The following ADAMTS7 variants were observed in gnomAD, a reference collection of about 807,000 sequenced individuals.
The protein encoded by ADAMTS7 is A disintegrin and metalloproteinase with thrombospondin motifs 7.
Under a neutral mutation model 172.6 loss-of-function variants are expected in ADAMTS7, and 89 were observed. That is an observed-to-expected ratio of 0.52 (90% CI 0.43 to 0.61). The LOEUF (loss-of-function observed/expected upper bound fraction) is 0.61, where lower values mean the gene tolerates loss of function less well. Ranked by LOEUF, ADAMTS7 falls within the 20% of genes least tolerant of loss-of-function variation. ADAMTS7 has a pLI of 0.00. For missense variants in ADAMTS7, 1,973 were observed against 2,355.6 expected (o/e 0.84, Z 3.36); for synonymous variants, 885 against 978.4 (o/e 0.90, Z 1.78).
Position 78,798,071 on chromosome 15 carries a change from G to T in ADAMTS7, c.499C>A (p.Pro167Thr). The T allele has an allele frequency of 6.4e-7, 1 of 1,567,058 alleles. No individual in the cohort carries two copies. The highest frequency in any genetic ancestry group is 1.2e-5 in the South Asian group (1 of 84,360). ...QLSNEDYFIEPLDSAPARPGH... is the reference protein window; with the variant it reads ...QLSNEDYFIETLDSAPARPGH... ...GGCCGGGCCGGGGCACTGTCCAGGG[G>T]CTCAATGAAGTAGTCCTCGTTGGAG... Residue 167 changes from proline (P) to threonine (T), a missense_variant, in exon 3 of 24, where the codon CCC becomes ACC. Transcript: ENST00000388820.
rs780737894 is a variant in ADAMTS7 at position 78,774,793 on chromosome 15, C to A, written c.1707G>T (p.Thr569=). 1.9e-6 allele frequency: 3 copies of A among 1,591,520 alleles called. No homozygotes were observed. Among genetic ancestry groups the A allele is most frequent in the Non-Finnish European group, 2.6e-6 (3 of 1,166,032 alleles). ...QSAERQCTQP[T]PKYKGRYCVG... ...CACAGTATCTGCCTTTGTATTTGGG[C>A]CTGTGGGGAGAACCGGGGTGGGCCC... is the stretch of plus-strand genomic sequence containing the variant. Residue 569 remains threonine, a splice_region_variant and synonymous_variant, in exon 12 of 24, where the codon ACG becomes ACT. Transcript: ENST00000388820.
intron 11 of ADAMTS7, 109 bp from the exon 12 acceptor site, chr15:78,774,902 C>CT (rs2055316965): frequency 7.4e-7 from 1 of 1,360,278 alleles, no homozygotes. Flanking sequence ...GAGATCCCTG[C>CT]TGCCCAGCTT....
intron 4 of ADAMTS7, among the ~76,000 whole-genome samples, chr15:78,793,408 C>T (rs796276462): frequency 8.0e-5 from 12 of 150,852 alleles, no homozygotes; most frequent in African/African-American, 2.9e-4. Flanking sequence ...AGATGGAGTG[C>T]AGTTGCATGA....
In ADAMTS7 at chr15:78,800,476, G is replaced by A. The variant is rs758614087; in HGVS notation, c.172C>T (p.Leu58=). 3.7e-6 allele frequency: 6 copies of A among 1,610,720 alleles called. No homozygotes were observed. Among genetic ancestry groups the A allele is most frequent in the Admixed American group, 3.3e-5 (2 of 59,782 alleles). ...GCGCGGGGCCACAGCTCGTAGGACA[G>A]GAAGGAGCCCCCCGCGTCGACTCGA... ...PVRVDAGGSF[L]SYELWPRALR... Residue 58 remains leucine, a synonymous_variant, in exon 2 of 24, where the codon CTG becomes TTG. Coordinates refer to ENST00000388820, the MANE Select transcript of ADAMTS7 (RefSeq NM_014272.5).
rs1408932893 is a variant in ADAMTS7 at position 78,763,578 on chromosome 15, AG to A, written c.4740+120del. The A allele has an allele frequency of 2.3e-6, 3 of 1,311,404 alleles. No individual in the cohort carries two copies. In the Admixed American group the frequency reaches 9.4e-5, roughly 41 times the overall value. 81.2% of individuals were successfully genotyped at this position (1,311,404 alleles called of 1,614,324 possible). A position where few individuals can be genotyped will look rare whatever the true frequency, so the allele number is the denominator to read the frequency against. Reference sequence around the variant, plus strand: ...GCACCAGCCGGGCGGGGCCTCGTCCAGTGACAGGGCCACAAAGAGCCTGGCT... The same window carrying A: ...GCACCAGCCGGGCGGGGCCTCGTCCATGACAGGGCCACAAAGAGCCTGGCT... On this transcript the variant is annotated intron_variant, in intron 22 of 23. Transcript: ENST00000388820.
At chr15:78,769,247 T>G (rs1277796641) in intron 16 of ADAMTS7, among the ~76,000 whole-genome samples, 2 of 152,114 alleles carry the variant, frequency 1.3e-5, no homozygotes, top group African/African-American at 2.4e-5. Flanking sequence ...GACACTCACT[T>G]CCATACTGCC....
chr15:78,769,181 A>G (rs2055207748), intron 16 of ADAMTS7, among the ~76,000 whole-genome samples: 2 of 152,010 alleles, frequency 1.3e-5, no homozygotes, highest in Admixed American at 6.6e-5. Context: ...CCTGTCCTTC[A>G]CACCCTCTGT....
In ADAMTS7 at chr15:78,768,284, G is replaced by C. The variant is rs766558341; in HGVS notation, c.2519-25C>G. 1.9e-5 allele frequency: 31 copies of C among 1,609,610 alleles called. No homozygotes were observed. The Admixed American group carries it at 5.2e-4, about 27-fold the overall frequency. On this transcript the variant is annotated intron_variant, in intron 16 of 23. Coordinates refer to ENST00000388820, the MANE Select transcript of ADAMTS7 (RefSeq NM_014272.5). Reference sequence around the variant, plus strand: ...CCTAGGGGCCACGGGGCTCAGCCTGGGACTGGCACCCAGGTGCCCACCACC... The same window carrying C: ...CCTAGGGGCCACGGGGCTCAGCCTGCGACTGGCACCCAGGTGCCCACCACC...
chr15:78,762,346 C>T (rs2055058159), intron 23 of ADAMTS7, 57 bp downstream of exon 23: 2 of 1,349,098 alleles, frequency 1.5e-6, no homozygotes, highest in Non-Finnish European at 1.9e-6. Flanking sequence ...CCCATTTCCC[C>T]ATCACCCTCC....
chr15:78,775,177 G>A (rs907958732), intron 11 of ADAMTS7, among the ~76,000 whole-genome samples: 2 of 152,200 alleles, frequency 1.3e-5, no homozygotes, highest in Admixed American at 6.5e-5. Context: ...GGACTGCTCC[G>A]AGTCTCCAGC....
chr15:78,789,790 C>G lies in ADAMTS7; in HGVS notation c.1077G>C (p.Leu359=). 11 of 1,609,214 alleles carry G rather than the reference C, an allele frequency of 6.8e-6. No individual in the cohort carries two copies. The highest frequency in any genetic ancestry group is 9.3e-6 in the Non-Finnish European group (11 of 1,178,112). The change falls in exon 7 of 24, where the codon CTG becomes CTC. Residue 359 remains leucine, a synonymous_variant. Coordinates refer to ENST00000388820, the MANE Select transcript of ADAMTS7 (RefSeq NM_014272.5). ...AMNRPCETLG[L]SHVAGMCQPH... ...GCTGGCACATGCCCGCCACATGGGA[C>G]AGTCCCAGGGTCTCACAGGGCCGGT...
Position 78,767,580 on chromosome 15 carries a change from A to G in ADAMTS7, c.2658T>C (p.Gly886=), listed in dbSNP as rs1382220487. 1.3e-6 allele frequency: 2 copies of G among 1,545,884 alleles called. No homozygotes were observed. The highest frequency in any genetic ancestry group is 1.4e-5 in the African/African-American group (1 of 73,190). Residue 886 remains glycine (G), a synonymous_variant, in exon 18 of 24, where the codon GGT becomes GGC. Transcript: ENST00000388820. ...EQPCPARWWA[G]EWQLCSSSCG... ...AGGAGCTGGAGCACAGCTGCCACTCACCTGCCCACCACCTGGCGAGGGCAC... is the reference window on the plus strand; with the variant it reads ...AGGAGCTGGAGCACAGCTGCCACTCGCCTGCCCACCACCTGGCGAGGGCAC...
chr15:78,808,754 T>C (rs377222597), intron 1 of ADAMTS7, among the ~76,000 whole-genome samples: 2 of 152,302 alleles, frequency 1.3e-5, no homozygotes, highest in East Asian at 3.9e-4. Context: ...AAGCTGAGCC[T>C]GCAGAGTTCA....
rs12286 is a variant in ADAMTS7 at position 78,759,417 on chromosome 15, G to T, written c.*4C>A. The T allele has an allele frequency of 6.3e-7, 1 of 1,588,728 alleles. No homozygotes were observed. Among genetic ancestry groups the T allele is most frequent in the Non-Finnish European group, 8.5e-7 (1 of 1,173,316 alleles). On this transcript the variant is annotated 3_prime_UTR_variant, in exon 24 of 24. Coordinates refer to ENST00000388820, the MANE Select transcript of ADAMTS7 (RefSeq NM_014272.5). ...TGTCGGTCGGTCTGTGCATCCTGGC[G>T]CAGTCAGCGGCGGGCAACCCGCTGA...
At position 78,811,419 on chromosome 15, in the gene ADAMTS7, A is replaced by G. The variant is rs1373427736; in HGVS notation, c.-199T>C. 6 of 433,208 alleles carry G rather than the reference A, an allele frequency of 1.4e-5. No homozygotes were observed. Among genetic ancestry groups the G allele is most frequent in the African/African-American group, 1.2e-4 (6 of 48,706 alleles). 26.8% of individuals were successfully genotyped at this position (433,208 alleles called of 1,614,324 possible). On this transcript the variant is annotated 5_prime_UTR_variant, in exon 1 of 24. Coordinates refer to ENST00000388820, the MANE Select transcript of ADAMTS7 (RefSeq NM_014272.5). ...GGGCCCGCCCCCTTGGCCGCTGCAG[A>G]GGCAAAGAAAAGACAAGAGAGCTAG...
chr15:78,767,686 C>G, intron 17 of ADAMTS7, 94 bp from the exon 18 acceptor site: 1 of 1,228,480 alleles, frequency 8.1e-7, no homozygotes, highest in Admixed American at 2.5e-5. Context: ...TCCAGGCCCT[C>G]GGCATTTGGG....
chr15:78,769,545 C>T lies in ADAMTS7; in HGVS notation c.2519-1286G>A, dbSNP rs2055212909. Among the ~76,000 whole-genome samples, 4 of 152,230 alleles carry T rather than the reference C, an allele frequency of 2.6e-5. No individual in the cohort carries two copies. In the South Asian group the frequency reaches 8.3e-4, roughly 31 times the overall value. The stretch of plus-strand genomic sequence containing the variant: ...GCTGGGAGTCAGCCCTTTTCCCTCT[C>T]CTTCTTCCTGCCCAGAACACTGCAA... On this transcript the variant is annotated intron_variant, in intron 16 of 23. Transcript: ENST00000388820.
chr15:78,792,614 A>G (rs1266622475), intron 4 of ADAMTS7, among the ~76,000 whole-genome samples: 1 of 152,206 alleles, frequency 6.6e-6, no homozygotes, highest in Non-Finnish European at 1.5e-5. Context: ...CAGGAGTTCG[A>G]GACCAGCCTG....
Position 78,764,002 on chromosome 15 carries a change from C to T in ADAMTS7, c.4517G>A (p.Gly1506Glu), listed in dbSNP as rs1404464422. 1.3e-6 allele frequency: 2 copies of T among 1,543,860 alleles called. No homozygotes were observed. Reference protein sequence around the residue: ...RPLRPFHCQPGPAKPPAHRPC... With the variant: ...RPLRPFHCQPEPAKPPAHRPC... Reference sequence around the variant, plus strand: ...CCGGTGCGCAGGCGGCTTGGCAGGCCCGGGCTGACAATGGAAGGGCCGCAG... The same window carrying T: ...CCGGTGCGCAGGCGGCTTGGCAGGCTCGGGCTGACAATGGAAGGGCCGCAG... Residue 1506 changes from glycine to glutamate, a missense_variant, in exon 21 of 24, where the codon GGG becomes GAG. Coordinates refer to ENST00000388820, the MANE Select transcript of ADAMTS7 (RefSeq NM_014272.5).
Sources: gnomAD v4.1 joint callset for allele counts (sites outside exome capture counted in the v4.1 genomes callset) on GRCh38, gnomAD v4.1.1 for gene constraint, MANE v1.5 for transcripts, NCBI Gene and HGNC (gene_info 2026-07-23, HGNC 2026-07-21) for gene names.